The following CANX variants were observed in gnomAD, a reference collection of about 807,000 sequenced individuals.
CANX encodes epididymis secretory sperm binding protein.
CANX carries 14 observed loss-of-function variants against 75.7 expected under a neutral mutation model. The ratio of observed to expected loss-of-function variants is 0.19; its 90% CI spans 0.12 to 0.29. The LOEUF (loss-of-function observed/expected upper bound fraction) is 0.29. Among genes scored for constraint, CANX ranks in the 10% least tolerant of loss-of-function variants. The probability of loss-of-function intolerance (pLI) is 1.00; values close to 1 mark genes in which losing one functional copy is unlikely to be tolerated. For missense variants in CANX, 567 were observed against 713.2 expected (o/e 0.79, Z 2.34); for synonymous variants, 227 against 236.9 (o/e 0.96, Z 0.38).
chr5:179,711,990 CAGG>C (rs1777590850), intron 7 of CANX, among the ~76,000 whole-genome samples: 1 of 150,810 alleles, frequency 6.6e-6, no homozygotes, highest in South Asian at 2.1e-4. Context: ...CTCAGATACT[CAGG>C]AGGCTGAGGC....
At chr5:179,717,717 C>T in intron 8 of CANX, among the ~76,000 whole-genome samples, 1 of 147,576 alleles carries the variant, frequency 6.8e-6, no homozygotes, top group Admixed American at 6.7e-5. Context: ...TTTTTCTTTT[C>T]TTGCTTTTTT....
chr5:179,723,919 CCTTA>C, intron 12 of CANX, 140 bp downstream of exon 12: 2 of 704,108 alleles, frequency 2.8e-6, no homozygotes, highest in Admixed American at 3.3e-5. Context: ...ACTTCAGAAA[CCTTA>C]CTTACTGTTC....
intron 1 of CANX, among the ~76,000 whole-genome samples, chr5:179,702,333 C>T (rs138689534): frequency 7.2e-5 from 11 of 151,998 alleles, no homozygotes; most frequent in South Asian, 2.1e-4. Flanking sequence ...ATTACACGCG[C>T]GAGCCACGAT....
intron 1 of CANX, among the ~76,000 whole-genome samples, chr5:179,691,318 C>T (rs1215255075): frequency 6.6e-5 from 10 of 152,120 alleles, no homozygotes; most frequent in Non-Finnish European, 1.5e-5. Flanking sequence ...AGCCATCATG[C>T]CTGGCCTATA....
Position 179,722,790 on chromosome 5 carries a change from A to ATT in CANX, c.1183-6_1183-5dup. ...ATTATCTGAAATGATTTTCTGAAAC[A>ATT]TTTTTTTTTCTAGGGAATCTGGAAA... is the stretch of plus-strand genomic sequence containing the variant. On this transcript the variant is annotated splice_polypyrimidine_tract_variant and intron_variant, in intron 10 of 14. Coordinates refer to ENST00000247461, the MANE Select transcript of CANX (RefSeq NM_001746.4). 2.0e-6 allele frequency: 3 copies of ATT among 1,537,534 alleles called. No homozygotes were observed. The highest frequency in any genetic ancestry group is 2.7e-6 in the Non-Finnish European group (3 of 1,118,008).
At chr5:179,712,615 G>C (rs991837068) in intron 7 of CANX, among the ~76,000 whole-genome samples, 8 of 144,132 alleles carry the variant, frequency 5.6e-5, no homozygotes, top group Non-Finnish European at 1.2e-4. Context: ...AGTAGAGATG[G>C]GTTTTCTCCA....
At chr5:179,721,895 G>C (rs549823342) in intron 10 of CANX, among the ~76,000 whole-genome samples, 1 of 151,938 alleles carries the variant, frequency 6.6e-6, no homozygotes, top group Non-Finnish European at 1.5e-5. Flanking sequence ...TCTTGGCATA[G>C]TATATGTATA....
At chr5:179,702,438 C>G (rs1355524418) in intron 1 of CANX, among the ~76,000 whole-genome samples, 2 of 140,698 alleles carry the variant, frequency 1.4e-5, no homozygotes, top group Middle Eastern at 7.0e-3. Context: ...TTTTTTAAAA[C>G]TTTGTGGTAT....
chr5:179,707,375 G>A (rs967138964), intron 4 of CANX, among the ~76,000 whole-genome samples, 185 bp downstream of exon 4: 1 of 152,120 alleles, frequency 6.6e-6, no homozygotes, highest in African/African-American at 2.4e-5. Context: ...ACGAGGTCAG[G>A]AGATCGAGAC....
intron 14 of CANX, 144 bp from the exon 15 acceptor site, chr5:179,728,444 ATTC>A (rs796611549): frequency 2.5e-5 from 15 of 610,208 alleles, no homozygotes; most frequent in African/African-American, 3.7e-5. Flanking sequence ...TGAGACAACC[ATTC>A]TTCTTGGTGC....
At chr5:179,724,877 CGTG>C in intron 13 of CANX, 94 bp downstream of exon 13, 1 of 1,467,588 alleles carries the variant, frequency 6.8e-7, no homozygotes, top group Non-Finnish European at 9.1e-7. Context: ...TTTAGCCAGG[CGTG>C]GTGGCTCAAG....
At chr5:179,699,188 G>A in intron 1 of CANX, 86 bp downstream of exon 1, 1 of 834,146 alleles carries the variant, frequency 1.2e-6, no homozygotes, top group Non-Finnish European at 1.5e-6. Context: ...GGTCGGGCGT[G>A]GCCGGCGACT....
chr5:179,698,779 C>A, upstream of CANX: 1 of 652,128 alleles, frequency 1.5e-6, no homozygotes, highest in Non-Finnish European at 2.3e-6. Flanking sequence ...CACTCCCGGC[C>A]AATCTTCACA....
chr5:179,707,313 G>A (rs941340521), intron 4 of CANX, 123 bp downstream of exon 4: 30 of 657,794 alleles, frequency 4.6e-5, no homozygotes, highest in Non-Finnish European at 5.8e-5. Context: ...AGCCAGGTGC[G>A]GTGGCTCACG....
intron 1 of CANX, among the ~76,000 whole-genome samples, chr5:179,683,346 G>T (rs933146743): frequency 3.3e-5 from 5 of 151,776 alleles, no homozygotes; most frequent in African/African-American, 1.2e-4. Context: ...TGTTGGCCAG[G>T]ATGGTCTCGA....
At chr5:179,697,943 T>A (rs1028527238), upstream of CANX, among the ~76,000 whole-genome samples, 3 of 152,050 alleles carry the variant, frequency 2.0e-5, no homozygotes, top group Admixed American at 1.3e-4. Context: ...TACTAACTCA[T>A]GCAAACACCA....
chr5:179,700,104 G>C (rs1030173578), intron 1 of CANX: 1 of 152,138 alleles, frequency 6.6e-6, no homozygotes, highest in Non-Finnish European at 1.5e-5. Context: ...TGCCATCCTA[G>C]TGAACTGGTT....
chr5:179,685,491 G>C (rs1178363409), intron 1 of CANX, among the ~76,000 whole-genome samples: 4 of 147,738 alleles, frequency 2.7e-5, no homozygotes, highest in African/African-American at 1.0e-4. Flanking sequence ...CAGGTGATCT[G>C]CCCACCTCGG....
chr5:179,723,532 A>G, intron 11 of CANX, 128 bp from the exon 12 acceptor site: 2 of 879,748 alleles, frequency 2.3e-6, no homozygotes, highest in Non-Finnish European at 3.5e-6. Context: ...TTTACATTTT[A>G]TGAGCATTTT....
Sources: allele counts gnomAD v4.1 joint callset (sites outside exome capture counted in the v4.1 genomes callset), GRCh38; gene constraint gnomAD v4.1.1; transcripts MANE v1.5; gene names NCBI Gene and HGNC (gene_info 2026-07-23, HGNC 2026-07-21).